FCGR2A: variants seen among roughly 807,000 people sequenced by gnomAD.
FCGR2A encodes Fc gamma receptor IIa.
Under a neutral mutation model 29.3 loss-of-function variants are expected in FCGR2A, and 18 were observed. That is an observed-to-expected ratio of 0.62 (90% CI 0.43 to 0.91). The LOEUF (loss-of-function observed/expected upper bound fraction) is 0.91, where lower values mean the gene tolerates loss of function less well. Ranked by LOEUF, FCGR2A falls within the 40% of genes least tolerant of loss-of-function variation. The probability of loss-of-function intolerance (pLI) is 0.00; values close to 1 mark genes in which losing one functional copy is unlikely to be tolerated. For synonymous variants in FCGR2A, 126 were observed against 144.8 expected (o/e 0.87, Z 0.93); for missense variants, 287 against 393.0 (o/e 0.73, Z 2.28).
Position 161,518,676 on chromosome 1 carries a change from T to TCTTG in FCGR2A, c.*529_*532dup, listed in dbSNP as rs1264637942. 1 of 162,780 alleles carries TCTTG rather than the reference T, an allele frequency of 6.1e-6. No homozygotes were observed. The highest frequency in any genetic ancestry group is 1.3e-5 in the Non-Finnish European group (1 of 74,852). 10.1% of individuals were successfully genotyped at this position (162,780 alleles called of 1,614,324 possible). ...CCCAGGCTGGAGTGCAGTGGTGCTA[T>TCTTG]CTTGGCTCACTGCAAACCCGCCTCC... On this transcript the variant is annotated 3_prime_UTR_variant, in exon 7 of 7. Transcript: ENST00000271450.
chr1:161,505,527 A>G lies in FCGR2A; in HGVS notation c.60A>G (p.Gln20=), dbSNP rs1038672527. 6.2e-7 allele frequency: 1 copy of G among 1,614,182 alleles called. No homozygotes were observed. The highest frequency in any genetic ancestry group is 1.3e-5 in the African/African-American group (1 of 75,056). ...NVCPRNLWLL[Q]PLTVLLLLAS... ...GTCCCAGAAACCTGTGGCTGCTTCA[A>G]CCATTGACAGTTTTGCTGCTGCTGG... is the stretch of plus-strand genomic sequence containing the variant. Residue 20 remains glutamine (Q), a synonymous_variant, in exon 1 of 7, where the codon CAA becomes CAG. Coordinates refer to ENST00000271450, the MANE Select transcript of FCGR2A (RefSeq NM_001136219.3).
chr1:161,523,924 C>G (rs190689083), downstream of FCGR2A: 1 of 152,254 alleles, frequency 6.6e-6, no homozygotes, highest in Non-Finnish European at 1.5e-5. Flanking sequence ...ATGCTACTGT[C>G]AGCTAAAGAC....
intron 5 of FCGR2A, 119 bp downstream of exon 5, chr1:161,511,075 T>G: frequency 1.4e-6 from 2 of 1,432,068 alleles, no homozygotes; most frequent in Non-Finnish European, 2.0e-6. Flanking sequence ...TAGGCCCACC[T>G]TTTATTTATT....
chr1:161,505,836 C>A, intron 1 of FCGR2A, 151 bp from the exon 2 acceptor site: 1 of 807,078 alleles, frequency 1.2e-6, no homozygotes, highest in Admixed American at 1.8e-5. Context: ...GAAGTGAATA[C>A]TTTTATAAAA....
rs1217040970 is a variant in FCGR2A at position 161,519,708 on chromosome 1, T to C, written c.*1560T>C. 6.6e-6 allele frequency: 1 copy of C among 151,990 alleles called. No individual in the cohort carries two copies. Among genetic ancestry groups the C allele is most frequent in the Non-Finnish European group, 1.5e-5 (1 of 67,988 alleles). 9.4% of individuals were successfully genotyped at this position (151,990 alleles called of 1,614,324 possible). On this transcript the variant is annotated 3_prime_UTR_variant, in exon 7 of 7. Coordinates refer to ENST00000271450, the MANE Select transcript of FCGR2A (RefSeq NM_001136219.3). ...GGAGAGGAGAGAGGGAGATTTGGAG[T>C]GTAGGGTGAGTGCCCCTCTTCTTAG...
chr1:161,513,852 T>A (rs1675972106), intron 5 of FCGR2A, 43 bp from the exon 6 acceptor site: 2 of 1,614,164 alleles, frequency 1.2e-6, no homozygotes, highest in South Asian at 2.2e-5. Flanking sequence ...CAGGCCCTTT[T>A]CAACAGCAGT....
intron 4 of FCGR2A, among the ~76,000 whole-genome samples, 175 bp from the exon 5 acceptor site, chr1:161,510,659 C>T (rs769870070): frequency 5.7e-4 from 87 of 152,174 alleles, no homozygotes; most frequent in Non-Finnish European, 1.8e-4. Flanking sequence ...AACCCTGTGC[C>T]AGTGAGGCTG....
chr1:161,509,903 C>G lies in FCGR2A; in HGVS notation c.448C>G (p.Pro150Ala), dbSNP rs779490441. 9.7e-5 allele frequency: 156 copies of G among 1,614,102 alleles called. No homozygotes were observed. Among genetic ancestry groups the G allele is most frequent in the Non-Finnish European group, 1.3e-4 (154 of 1,180,044 alleles). Residue 150 changes from proline (P) to alanine (A), a missense_variant, in exon 4 of 7, where the codon CCT (proline) becomes GCT (alanine). Coordinates refer to ENST00000271450, the MANE Select transcript of FCGR2A (RefSeq NM_001136219.3). ...MLRCHSWKDK[P>A]LVKVTFFQNG... is the part of the protein sequence containing the mutation. ...GAGGTGCCACAGCTGGAAGGACAAG[C>G]CTCTGGTCAAGGTCACATTCTTCCA...
intron 5 of FCGR2A, among the ~76,000 whole-genome samples, chr1:161,512,715 G>A (rs552071867): frequency 6.6e-6 from 1 of 152,222 alleles, no homozygotes; most frequent in South Asian, 2.1e-4. Context: ...CACCTCAGAT[G>A]GCTGGAGTAT....
chr1:161,512,689 A>C (rs1159702983), intron 5 of FCGR2A, among the ~76,000 whole-genome samples: 2 of 152,000 alleles, frequency 1.3e-5, no homozygotes, highest in Admixed American at 1.3e-4. Flanking sequence ...GGCAGGAAAA[A>C]GGCTGTCAAA....
rs537183410 is a variant in FCGR2A at position 161,506,271 on chromosome 1, C to T, written c.107-63C>T. The stretch of plus-strand genomic sequence containing the variant: ...GGTGCCTGACCTCCCTTGGGAGCTC[C>T]TTTGGCATCCACAGTCCCTTCAGGG... On this transcript the variant is annotated intron_variant, in intron 2 of 6. Coordinates refer to ENST00000271450, the MANE Select transcript of FCGR2A (RefSeq NM_001136219.3). The T allele has an allele frequency of 6.2e-4, 987 of 1,596,400 alleles. 14 individuals carry two copies. In the South Asian group the frequency reaches 1.0e-2, roughly 16 times the overall value.
intron 5 of FCGR2A, 114 bp downstream of exon 5, chr1:161,511,070 C>T: frequency 6.7e-7 from 1 of 1,481,708 alleles, no homozygotes; most frequent in Non-Finnish European, 9.4e-7. Context: ...CGATCTAGGC[C>T]CACCTTTTAT....
At position 161,517,993 on chromosome 1, in the gene FCGR2A, A is replaced by C. The variant is rs757123488; in HGVS notation, c.799A>C (p.Ile267Leu). 5.9e-5 allele frequency: 96 copies of C among 1,613,712 alleles called. No homozygotes were observed. The highest frequency in any genetic ancestry group is 8.1e-5 in the Non-Finnish European group (95 of 1,179,796). Residue 267 changes from isoleucine to leucine, a missense_variant, in exon 7 of 7, where the codon ATT becomes CTT. Transcript: ENST00000271450. ...CCTGCAGCCACCTGGACGTCAAATGATTGCCATCAGAAAGAGACAACTTGA... is the reference window on the plus strand; with the variant it reads ...CCTGCAGCCACCTGGACGTCAAATGCTTGCCATCAGAAAGAGACAACTTGA... ...AQFEPPGRQM[I>L]AIRKRQLEET... is the part of the protein sequence containing the mutation.
At chr1:161,516,620 A>T (rs1676163599) in intron 6 of FCGR2A, among the ~76,000 whole-genome samples, 1 of 152,084 alleles carries the variant, frequency 6.6e-6, no homozygotes, top group South Asian at 2.1e-4. Context: ...ATGAAACTAG[A>T]TTTATTTTTG....
At chr1:161,511,251 C>T (rs1239042468) in intron 5 of FCGR2A, among the ~76,000 whole-genome samples, 1 of 152,048 alleles carries the variant, frequency 6.6e-6, no homozygotes, top group Non-Finnish European at 1.5e-5. Flanking sequence ...GTGAGGGCAG[C>T]GCTTAGCTAG....
chr1:161,511,084 T>C, intron 5 of FCGR2A, 128 bp downstream of exon 5: 1 of 1,390,414 alleles, frequency 7.2e-7, no homozygotes, highest in South Asian at 1.2e-5. Flanking sequence ...CTTTTATTTA[T>C]TAGTTCATTT....
chr1:161,509,676 G>C (rs1228115836), intron 3 of FCGR2A, 144 bp from the exon 4 acceptor site: 2 of 1,119,900 alleles, frequency 1.8e-6, no homozygotes. Context: ...TTGCCTATAA[G>C]AGAATGCTCA....
chr1:161,517,194 A>G, intron 6 of FCGR2A, among the ~76,000 whole-genome samples: 1 of 151,604 alleles, frequency 6.6e-6, no homozygotes, highest in East Asian at 1.9e-4. Flanking sequence ...AAGCAATACA[A>G]TCTAAAATGA....
intron 3 of FCGR2A, among the ~76,000 whole-genome samples, chr1:161,507,071 G>A (rs1398284950): frequency 6.6e-6 from 1 of 152,156 alleles, no homozygotes; most frequent in African/African-American, 2.4e-5. Flanking sequence ...ATCAGGCAGA[G>A]GCTGATAGGC....
Sources: gnomAD v4.1 joint callset for allele counts (sites outside exome capture counted in the v4.1 genomes callset) on GRCh38, gnomAD v4.1.1 for gene constraint, MANE v1.5 for transcripts, NCBI Gene and HGNC (gene_info 2026-07-23, HGNC 2026-07-21) for gene names.